Variants in FAM111A observed in about 807,000 individuals in gnomAD.
The protein encoded by FAM111A is FAM111 trypsin like peptidase A, also known as serine protease FAM111A.
A neutral mutation model predicts 3.3 loss-of-function variants in FAM111A; 8 were observed. The ratio of observed to expected loss-of-function variants is 2.39; its 90% confidence interval spans 1.40 to 4.32. FAM111A has a LOEUF of 4.32. Among genes scored for constraint, FAM111A ranks in the 30% most tolerant of loss-of-function variants. The pLI is 0.00. For missense variants in FAM111A, 683 were observed against 727.6 expected, an observed-to-expected ratio of 0.94 and a Z score of 0.71; for synonymous variants, 227 against 243.1, an observed-to-expected ratio of 0.93 and a Z score of 0.62.
intron 4 of FAM111A, chr11:59,148,495 G>T (rs371475767): frequency 5.8e-6 from 1 of 173,888 alleles, no homozygotes; most frequent in African/African-American, 2.4e-5. Flanking sequence ...TGGGCAGTTC[G>T]TCTACCTTCT....
chr11:59,151,147 A>C (rs77496003), intron 5 of FAM111A, among the ~76,000 whole-genome samples: 7,194 of 151,932 alleles, frequency 0.047, 463 homozygotes, highest in East Asian at 0.16. Flanking sequence ...TATTTCAAAT[A>C]CTAGTGGACT....
rs368508077 is a variant in FAM111A, at chr11:59,152,955, T to G, written c.1287T>G (p.Pro429=). 6.2e-7 allele frequency: 1 copy of G among 1,614,010 alleles called. No individual in the cohort carries two copies. The highest frequency in any genetic ancestry group is 8.5e-7 in the Non-Finnish European group (1 of 1,180,028). The change falls in exon 6 of 6, where the codon CCT becomes CCG. Residue 429 remains proline, a synonymous_variant. Coordinates refer to ENST00000675163, the MANE Select transcript of FAM111A (RefSeq NM_001312909.2). ...AAACAAACTACTTTTTTGTTGAACCTTGGTTTGAGATACATAATGAAGAGC... is the reference window on the plus strand; with the variant it reads ...AAACAAACTACTTTTTTGTTGAACCGTGGTTTGAGATACATAATGAAGAGC... ...DKETNYFFVE[P]WFEIHNEELD...
At position 59,148,824 on chromosome 11, in the gene FAM111A, A is replaced by T. The variant is rs1225808898; in HGVS notation, c.-49A>T. ...TTGAAGATACTGCTATAATTTGAAA[A>T]TTTGAAATTAGTGTTTCAGCTGAAC... On this transcript the variant is annotated 5_prime_UTR_variant, in exon 5 of 6. Coordinates refer to ENST00000675163, the MANE Select transcript of FAM111A (RefSeq NM_001312909.2). 1 of 1,361,252 alleles carries T rather than the reference A, an allele frequency of 7.3e-7. No individual in the cohort carries two copies. Among genetic ancestry groups the T allele is most frequent in the South Asian group, 1.2e-5 (1 of 85,224 alleles). 84.3% of individuals were successfully genotyped at this position (1,361,252 alleles called of 1,614,324 possible).
Position 59,151,795 on chromosome 11 carries a change from A to G in FAM111A, c.127A>G (p.Met43Val), listed in dbSNP as rs1234930077. Residue 43 changes from methionine (M) to valine (V), a missense_variant, in exon 6 of 6, where the codon ATG (methionine) becomes GTG (valine). Met to Val is a conservative substitution (Grantham distance 21, BLOSUM62 1). Around this residue, in one of 3 missense-constraint regions of FAM111A, gnomAD observed 557 missense variants for 600.2 expected, o/e 0.93. Coordinates refer to ENST00000675163, the MANE Select transcript of FAM111A (RefSeq NM_001312909.2). Reference protein sequence around the residue: ...QNNCSTSLMRMESRGDPRATT... With the variant: ...QNNCSTSLMRVESRGDPRATT... ...TAATTGCAGTACTTCTCTAATGAGGATGGAGTCTAGAGGAGACCCAAGAGC... is the reference window on the plus strand; with the variant it reads ...TAATTGCAGTACTTCTCTAATGAGGGTGGAGTCTAGAGGAGACCCAAGAGC... 1 of 1,608,722 alleles carries G rather than the reference A, an allele frequency of 6.2e-7. No homozygotes were observed. The highest frequency in any genetic ancestry group is 1.1e-5 in the South Asian group (1 of 89,920).
At chr11:59,145,430 C>G (rs1860732512) in intron 3 of FAM111A, 1 of 152,204 alleles carries the variant, frequency 6.6e-6, no homozygotes, top group African/African-American at 2.4e-5. Flanking sequence ...GTAAGTAGAA[C>G]CTTGATGTCA....
chr11:59,151,221 G>A (rs776098368), intron 5 of FAM111A, among the ~76,000 whole-genome samples: 3 of 151,750 alleles, frequency 2.0e-5, no homozygotes, highest in Non-Finnish European at 4.4e-5. Context: ...TGCTATCTCC[G>A]CTCACTGCAA....
chr11:59,144,290 A>G (rs1022082680), intron 3 of FAM111A: 1 of 152,186 alleles, frequency 6.6e-6, no homozygotes, highest in Non-Finnish European at 1.5e-5. Context: ...AACCTTCTTG[A>G]GGCTCTCCCT....
intron 5 of FAM111A, 44 bp downstream of exon 5, chr11:59,148,997 T>C: frequency 7.1e-7 from 1 of 1,418,128 alleles, no homozygotes; most frequent in Non-Finnish European, 1.0e-6. Flanking sequence ...CATCCCTTGG[T>C]ATCCATGTGA....
rs762240150 is a variant in FAM111A at position 59,153,345 on chromosome 11, C to T, written c.1677C>T (p.Gly559=). Residue 559 remains glycine, a synonymous_variant, in exon 6 of 6, where the codon GGC becomes GGT. Transcript: ENST00000675163. ...CATTGGTGGCCATGCATGCTGCTGG[C>T]TTTGCTTATACTTACCAAAATGAGA... ...KGSLVAMHAA[G]FAYTYQNETR... 1 of 1,614,180 alleles carries T rather than the reference C, an allele frequency of 6.2e-7. No homozygotes were observed.
Position 59,151,100 on chromosome 11 carries a change from T to G in FAM111A, c.82-650T>G, listed in dbSNP as rs1481450033. ...TTGTCCTCAGGAAATATAAAAATTA[T>G]ATAGCTGAAGATAATAAACAAGTCC... On this transcript the variant is annotated intron_variant, in intron 5 of 5. Transcript: ENST00000675163. Among the ~76,000 whole-genome samples, 3 of 152,152 alleles carry G rather than the reference T, an allele frequency of 2.0e-5. No individual in the cohort carries two copies. In the East Asian group the frequency reaches 5.8e-4, roughly 29 times the overall value.
rs139362672 is a variant in FAM111A at position 59,153,332 on chromosome 11, T to C, written c.1664T>C (p.Met555Thr). Residue 555 changes from methionine to threonine, a missense_variant, in exon 6 of 6, where the codon ATG becomes ACG. Around this residue, in one of 3 missense-constraint regions of FAM111A, gnomAD observed 122 missense variants for 110.9 expected, o/e 1.10. Coordinates refer to ENST00000675163, the MANE Select transcript of FAM111A (RefSeq NM_001312909.2). The part of the protein sequence containing the change: ...VFDSKGSLVA[M>T]HAAGFAYTYQ... ...GATTCAAAAGGTTCATTGGTGGCCATGCATGCTGCTGGCTTTGCTTATACT... is the reference window on the plus strand; with the variant it reads ...GATTCAAAAGGTTCATTGGTGGCCACGCATGCTGCTGGCTTTGCTTATACT... 2.5e-6 allele frequency: 4 copies of C among 1,614,220 alleles called. No homozygotes were observed. The highest frequency in any genetic ancestry group is 3.4e-6 in the Non-Finnish European group (4 of 1,180,044).
Position 59,153,063 on chromosome 11 carries a change from T to C in FAM111A, c.1395T>C (p.Leu465=), listed in dbSNP as rs780052713. 1.2e-6 allele frequency: 2 copies of C among 1,614,150 alleles called. No homozygotes were observed. The highest frequency in any genetic ancestry group is 1.7e-6 in the Non-Finnish European group (2 of 1,180,010). Residue 465 remains leucine, a synonymous_variant, in exon 6 of 6, where the codon CTT becomes CTC. Transcript: ENST00000675163. Reference sequence around the variant, plus strand: ...ATAATGGAATTACTCCTGTGCCACTTAGTGGGTTGATACATATTATTGGCC... The same window carrying C: ...ATAATGGAATTACTCCTGTGCCACTCAGTGGGTTGATACATATTATTGGCC... ...ELYNGITPVP[L]SGLIHIIGHP... is the part of the protein sequence containing the mutation.
At position 59,151,837 on chromosome 11, in the gene FAM111A, G is replaced by A. The variant is rs2135477077; in HGVS notation, c.169G>A (p.Ala57Thr). The A allele has an allele frequency of 6.2e-7, 1 of 1,614,060 alleles. No individual in the cohort carries two copies. ...CCCAAGAGCCACAACTAATACCCAG[G>A]CTCAAAGATTCCATTCACCTAAGAA... ...GDPRATTNTQ[A>T]QRFHSPKKNP... is the part of the protein sequence containing the mutation. Residue 57 changes from alanine to threonine, a missense_variant, in exon 6 of 6, where the codon GCT (alanine) becomes ACT (threonine). By Grantham distance (58) the Ala-to-Thr change is moderately conservative (BLOSUM62 0). This residue lies in a region of FAM111A where 557 missense variants were observed against 600.2 expected (regional missense o/e 0.93). Coordinates refer to ENST00000675163, the MANE Select transcript of FAM111A (RefSeq NM_001312909.2).
intron 5 of FAM111A, 32 bp downstream of exon 5, chr11:59,148,985 G>T (rs1861299043): frequency 1.3e-6 from 2 of 1,483,458 alleles, no homozygotes; most frequent in East Asian, 4.5e-5. Flanking sequence ...ATGTAATCTA[G>T]TCATCCCTTG....
At chr11:59,145,954 A>T (rs1009890051) in intron 4 of FAM111A, 98 bp downstream of exon 4, 1 of 148,866 alleles carries the variant, frequency 6.7e-6, no homozygotes, top group East Asian at 2.0e-4. Context: ...GGCTTTGCAT[A>T]TGCTCTCTCT....
At position 59,151,707 on chromosome 11, in the gene FAM111A, G is replaced by C. The variant is rs372550948; in HGVS notation, c.82-43G>C. 95 of 1,398,578 alleles carry C rather than the reference G, an allele frequency of 6.8e-5. No individual in the cohort carries two copies. The African/African-American group carries it at 1.2e-3, about 18-fold the overall frequency. 86.6% of individuals were successfully genotyped at this position (1,398,578 alleles called of 1,614,324 possible). A position where few individuals can be genotyped will look rare whatever the true frequency, so the allele number is the denominator to read the frequency against. On this transcript the variant is annotated intron_variant, in intron 5 of 5. Transcript: ENST00000675163. ...ACCTGAAAAGAGAAACAAAAGACTCGGGTTGCATTCAGAGTTTTAAAGTAT... is the reference window on the plus strand; with the variant it reads ...ACCTGAAAAGAGAAACAAAAGACTCCGGTTGCATTCAGAGTTTTAAAGTAT...
chr11:59,153,196 G>A lies in FAM111A; in HGVS notation c.1528G>A (p.Glu510Lys). ...RVQSKKAESP[E>K]YVHMYTQRSF... is the part of the protein sequence containing the mutation. ...TCAGTCTAAAAAAGCAGAAAGTCCA[G>A]AGTATGTCCATATGTATACTCAAAG... is the stretch of plus-strand genomic sequence containing the variant. The change falls in exon 6 of 6, where the codon GAG (glutamate) becomes AAG (lysine). Residue 510 changes from glutamate to lysine, a missense_variant. Coordinates refer to ENST00000675163, the MANE Select transcript of FAM111A (RefSeq NM_001312909.2). 1 of 1,614,180 alleles carries A rather than the reference G, an allele frequency of 6.2e-7. No individual in the cohort carries two copies. Among genetic ancestry groups the A allele is most frequent in the Non-Finnish European group, 8.5e-7 (1 of 1,180,044 alleles).
rs2135495375 is a variant in FAM111A at position 59,154,475 on chromosome 11, T to C, written c.*971T>C. 1 of 152,350 alleles carries C rather than the reference T, an allele frequency of 6.6e-6. No homozygotes were observed. The highest frequency in any genetic ancestry group is 1.9e-4 in the East Asian group (1 of 5,186). 9.4% of individuals were successfully genotyped at this position (152,350 alleles called of 1,614,324 possible). ...TCTACTACTCCAATTATTAATGTTA[T>C]GTATTTCTCATTGTTTTACTTCTTC... On this transcript the variant is annotated 3_prime_UTR_variant, in exon 6 of 6. Transcript: ENST00000675163.
At chr11:59,145,777 T>C (rs750888138) in intron 3 of FAM111A, 50 bp from the exon 4 acceptor site, 3 of 152,224 alleles carry the variant, frequency 2.0e-5, no homozygotes, top group Non-Finnish European at 4.4e-5. Flanking sequence ...TTAGGGATGT[T>C]GCAACATAGC....
Sources: allele counts gnomAD v4.1 joint callset (sites outside exome capture counted in the v4.1 genomes callset), GRCh38; gene constraint gnomAD v4.1.1; regional missense constraint gnomAD v4.1.1; transcripts MANE v1.5; gene names NCBI Gene and HGNC (gene_info 2026-07-23, HGNC 2026-07-21).